PSD3: variants seen among roughly 807,000 people sequenced by gnomAD.
The protein encoded by PSD3 is PH and SEC7 domain-containing protein 3.
A neutral mutation model predicts 105.5 loss-of-function variants in PSD3; 49 were observed. That is an observed-to-expected ratio of 0.46 (90% CI 0.37 to 0.59). PSD3 has a LOEUF of 0.59. PSD3 is among the 20% of genes least tolerant of loss of function. The probability of loss-of-function intolerance (pLI) is 0.00; values close to 1 mark genes in which losing one functional copy is unlikely to be tolerated. For missense variants in PSD3, 1,561 were observed against 1,263.8 expected (o/e 1.24, Z -3.57); for synonymous variants, 557 against 457.8 (o/e 1.22, Z -2.77).
Position 18,627,593 on chromosome 8 carries a change from TTAAA to T in PSD3, c.2410+5016_2410+5019del, listed in dbSNP as rs1806582319. 2.0e-5 allele frequency among the ~76,000 whole-genome samples: 3 copies of T among 151,950 alleles called. No individual in the cohort carries two copies. The South Asian group carries it at 6.2e-4, about 31-fold the overall frequency. ...AAGAATGCCTTATTAATGGAAATAT[TTAAA>T]TAAGTCCCAGAATAAAGACTGCTCT... is the stretch of plus-strand genomic sequence containing the variant. On this transcript the variant is annotated intron_variant, in intron 11 of 15. Coordinates refer to ENST00000327040, the MANE Select transcript of PSD3 (RefSeq NM_015310.4).
intron 2 of PSD3, among the ~76,000 whole-genome samples, chr8:18,879,108 G>A (rs1246634220): frequency 5.4e-5 from 8 of 147,784 alleles, no homozygotes; most frequent in African/African-American, 1.8e-4. Context: ...CTGAACACTG[G>A]CCCCAAGAGA....
intron 8 of PSD3, among the ~76,000 whole-genome samples, chr8:18,791,470 C>G (rs924989317): frequency 3.3e-5 from 5 of 152,130 alleles, no homozygotes; most frequent in African/African-American, 1.2e-4. Context: ...CAAAAACAAG[C>G]AATGGGGAAA....
chr8:18,832,690 G>A (rs62498313), intron 4 of PSD3, among the ~76,000 whole-genome samples: 8,524 of 152,260 alleles, frequency 0.056, 278 homozygotes, highest in African/African-American at 0.091. Context: ...GCCGTTTAGT[G>A]GGCTCACACT....
chr8:19,038,838 T>C (rs1356038764), intron 1 of PSD3, among the ~76,000 whole-genome samples: 1 of 152,222 alleles, frequency 6.6e-6, no homozygotes. Flanking sequence ...GCAATTAAAA[T>C]AGGTTATCTC....
chr8:18,628,635 G>C (rs1371256060), intron 11 of PSD3, among the ~76,000 whole-genome samples: 1 of 151,922 alleles, frequency 6.6e-6, no homozygotes, highest in Non-Finnish European at 1.5e-5. Context: ...ACTACTTTAA[G>C]TTTTAGAACA....
chr8:18,733,127 C>T (rs751963210), intron 9 of PSD3: 2 of 152,142 alleles, frequency 1.3e-5, no homozygotes, highest in Non-Finnish European at 2.9e-5. Flanking sequence ...CTAGAACCAC[C>T]ACTTACTGCT....
rs181177364 is a variant in PSD3, at chr8:18,909,373, A to T, written c.130+26661T>A. On this transcript the variant is annotated intron_variant, in intron 2 of 15. Coordinates refer to ENST00000327040, the MANE Select transcript of PSD3 (RefSeq NM_015310.4). ...ATATATGAACGGTATAGGCACTCAC[A>T]CACAAAATATTGTTGCATAAAGGCA... Among the ~76,000 whole-genome samples the T allele has an allele frequency of 1.6e-4, 25 of 152,338 alleles. No individual in the cohort carries two copies. The East Asian group carries it at 4.8e-3, about 29-fold the overall frequency.
intron 1 of PSD3, among the ~76,000 whole-genome samples, chr8:18,959,684 G>C (rs1167787225): frequency 1.3e-5 from 2 of 152,136 alleles, no homozygotes; most frequent in Admixed American, 1.3e-4. Context: ...AAGCTGACTA[G>C]GGAAAATGGC....
intron 2 of PSD3, among the ~76,000 whole-genome samples, chr8:18,918,522 G>T (rs754936079): frequency 1.4e-4 from 22 of 152,134 alleles, no homozygotes; most frequent in Admixed American, 3.3e-4. Context: ...GCAACTACAG[G>T]TATTCACTGA....
At chr8:18,971,842 TA>T (rs1824670392) in intron 1 of PSD3, among the ~76,000 whole-genome samples, 1 of 151,926 alleles carries the variant, frequency 6.6e-6, no homozygotes. Context: ...CCGCCTCTAC[TA>T]AAAATATAAA....
At chr8:18,819,178 A>C (rs1446369559) in intron 4 of PSD3, among the ~76,000 whole-genome samples, 2 of 152,242 alleles carry the variant, frequency 1.3e-5, no homozygotes, top group East Asian at 3.8e-4. Flanking sequence ...TATACAGCAG[A>C]GATGACAAGG....
intron 8 of PSD3, among the ~76,000 whole-genome samples, chr8:18,776,955 C>T (rs1808157762): frequency 6.6e-6 from 1 of 152,026 alleles, no homozygotes; most frequent in Admixed American, 6.5e-5. Flanking sequence ...CTTTGTATTT[C>T]TGCGGTATCA....
chr8:18,821,504 T>C (rs947314836), intron 4 of PSD3, among the ~76,000 whole-genome samples: 8 of 152,112 alleles, frequency 5.3e-5, no homozygotes, highest in African/African-American at 1.9e-4. Context: ...AGACCAGTAT[T>C]TATAATCAAG....
At chr8:18,724,247 A>C (rs1186784842) in intron 9 of PSD3, among the ~76,000 whole-genome samples, 2 of 152,178 alleles carry the variant, frequency 1.3e-5, no homozygotes, top group Admixed American at 6.5e-5. Flanking sequence ...AAATGGAAGA[A>C]GAAAAATGAG....
At chr8:19,052,091 T>C (rs1437600292) in intron 1 of PSD3, among the ~76,000 whole-genome samples, 1 of 152,122 alleles carries the variant, frequency 6.6e-6, no homozygotes, top group Non-Finnish European at 1.5e-5. Flanking sequence ...GGAGCAAGAT[T>C]GGATGGAAGC....
At chr8:18,688,434 T>C (rs1800785790) in intron 9 of PSD3, among the ~76,000 whole-genome samples, 2 of 152,200 alleles carry the variant, frequency 1.3e-5, no homozygotes, top group South Asian at 4.1e-4. Context: ...CTTATCAAAA[T>C]CCTGTTACAT....
chr8:18,554,345 G>T (rs1800942720), intron 15 of PSD3, among the ~76,000 whole-genome samples: 1 of 152,202 alleles, frequency 6.6e-6, no homozygotes, highest in Non-Finnish European at 1.5e-5. Context: ...GAACAAGCCT[G>T]GGGAAAGATG....
At position 18,889,788 on chromosome 8, in the gene PSD3, C is replaced by T. The variant is rs566609433; in HGVS notation, c.131-17055G>A. Among the ~76,000 whole-genome samples, 51 of 152,238 alleles carry T rather than the reference C, an allele frequency of 3.4e-4. 1 individual carries two copies. Among genetic ancestry groups the T allele is most frequent in the African/African-American group, 1.2e-3 (50 of 41,538 alleles). ...CCCATACCTGAATTTTTAAAAACCC[C>T]ATGTACAAATTTTAGAACAAAATTT... On this transcript the variant is annotated intron_variant, in intron 2 of 15. Coordinates refer to ENST00000327040, the MANE Select transcript of PSD3 (RefSeq NM_015310.4).
intron 4 of PSD3, among the ~76,000 whole-genome samples, chr8:18,841,139 C>T (rs1814587311): frequency 6.6e-6 from 1 of 152,246 alleles, no homozygotes; most frequent in Non-Finnish European, 1.5e-5. Context: ...ACTAAGCCTG[C>T]TGCCAGCATT....
Sources: allele counts gnomAD v4.1 joint callset (sites outside exome capture counted in the v4.1 genomes callset), GRCh38; gene constraint gnomAD v4.1.1; transcripts MANE v1.5; gene names NCBI Gene and HGNC (gene_info 2026-07-23, HGNC 2026-07-21).